SAMD3: variants seen among roughly 807,000 people sequenced by gnomAD.
SAMD3 encodes the protein sterile alpha motif domain-containing protein 3.
In SAMD3, 63 loss-of-function variants were observed where a neutral mutation model predicts 58.5. The observed-to-expected ratio is 1.08, with a 90% CI of 0.88 to 1.33. The LOEUF is 1.33. Among genes scored for constraint, SAMD3 ranks in the 40% most tolerant of loss-of-function variants. SAMD3 has a pLI of 0.00. For synonymous variants in SAMD3, 220 were observed against 210.3 expected (o/e 1.05, Z -0.40); for missense variants, 604 against 608.4 (o/e 0.99, Z 0.08).
intron 1 of SAMD3, among the ~76,000 whole-genome samples, chr6:130,358,726 TACACACACACACACACAC>T (rs3029958): frequency 6.9e-6 from 1 of 144,596 alleles, no homozygotes; most frequent in East Asian, 2.0e-4. Flanking sequence ...CACTATGTCT[TACACACACACACACACAC>T]ACACACACAC....
chr6:130,341,159 G>A (rs1329447051), intron 1 of SAMD3, among the ~76,000 whole-genome samples: 1 of 50,304 alleles, frequency 2.0e-5, no homozygotes, highest in African/African-American at 3.9e-4. Context: ...GGGAGGAAGA[G>A]AGGGAGGGAG....
chr6:130,185,170 G>A (rs1420612241), intron 5 of SAMD3, among the ~76,000 whole-genome samples: 2 of 152,118 alleles, frequency 1.3e-5, no homozygotes, highest in African/African-American at 4.8e-5. Flanking sequence ...ATTCTATCCA[G>A]ATGAAATTTC....
At chr6:130,224,746 G>C (rs1025818810), upstream of SAMD3, among the ~76,000 whole-genome samples, 5 of 151,908 alleles carry the variant, frequency 3.3e-5, no homozygotes, top group African/African-American at 9.7e-5. Context: ...AGCCTCCTGA[G>C]TATCTGGGAC....
chr6:130,247,920 T>G (rs1425278473), intron 2 of SAMD3, among the ~76,000 whole-genome samples: 1 of 152,214 alleles, frequency 6.6e-6, no homozygotes, highest in Non-Finnish European at 1.5e-5. Flanking sequence ...TGTTTCTGTT[T>G]CTGCTTGCGT....
At chr6:130,180,427 T>C (rs1213621341) in intron 7 of SAMD3, among the ~76,000 whole-genome samples, 1 of 150,806 alleles carries the variant, frequency 6.6e-6, no homozygotes, top group Non-Finnish European at 1.5e-5. Flanking sequence ...GAACCACCAC[T>C]CCCAGCTGTT....
chr6:130,231,768 G>A (rs1183007081), intron 2 of SAMD3, among the ~76,000 whole-genome samples: 1 of 152,002 alleles, frequency 6.6e-6, no homozygotes, highest in Non-Finnish European at 1.5e-5. Flanking sequence ...ATTTCCTTGA[G>A]CAATCAGGAA....
chr6:130,270,878 A>G (rs1273729944), intron 2 of SAMD3, among the ~76,000 whole-genome samples: 2 of 152,254 alleles, frequency 1.3e-5, no homozygotes, highest in African/African-American at 2.4e-5. Flanking sequence ...CTGTATGAAT[A>G]TATCTGTGGA....
chr6:130,193,250 A>C (rs1217429503), intron 5 of SAMD3, among the ~76,000 whole-genome samples: 1 of 147,750 alleles, frequency 6.8e-6, no homozygotes, highest in Non-Finnish European at 1.5e-5. Context: ...TCTGGGGGGC[A>C]AGAAACCCCC....
chr6:130,343,839 C>T (rs1486530471), intron 1 of SAMD3, among the ~76,000 whole-genome samples: 4 of 151,980 alleles, frequency 2.6e-5, no homozygotes, highest in Non-Finnish European at 5.9e-5. Context: ...GTGGTGGGTG[C>T]CTGTAATCCC....
chr6:130,292,340 T>A (rs1775398111), intron 2 of SAMD3, among the ~76,000 whole-genome samples: 1 of 149,016 alleles, frequency 6.7e-6, no homozygotes. Context: ...GTGCTGGAGT[T>A]CAGTGGCGCA....
intron 1 of SAMD3, among the ~76,000 whole-genome samples, chr6:130,319,691 G>A (rs115346148): frequency 0.02 from 3,011 of 152,234 alleles, 92 homozygotes; most frequent in African/African-American, 0.068. Flanking sequence ...ACAAAATAAT[G>A]AAGAGAATTA....
chr6:130,304,703 A>C (rs1775857538), intron 2 of SAMD3, among the ~76,000 whole-genome samples: 1 of 152,150 alleles, frequency 6.6e-6, no homozygotes. Flanking sequence ...CATGAAAAAA[A>C]ATTATGCCGA....
intron 2 of SAMD3, among the ~76,000 whole-genome samples, chr6:130,237,642 T>C (rs1306337845): frequency 1.8e-4 from 27 of 152,164 alleles, no homozygotes; most frequent in Admixed American, 1.8e-3. Context: ...ACCTTAATCC[T>C]TTGAAGTCAA....
intron 2 of SAMD3, among the ~76,000 whole-genome samples, chr6:130,257,572 A>G (rs1343310507): frequency 6.6e-6 from 1 of 152,176 alleles, no homozygotes; most frequent in African/African-American, 2.4e-5. Flanking sequence ...ATACATCTCA[A>G]TGCCAACTCT....
At chr6:130,302,592 AAAAT>A (rs1335446425) in intron 2 of SAMD3, among the ~76,000 whole-genome samples, 2 of 152,210 alleles carry the variant, frequency 1.3e-5, no homozygotes, top group Non-Finnish European at 2.9e-5. Flanking sequence ...TGTCCAAAGG[AAAAT>A]AAATTGTTTT....
At chr6:130,149,558 G>T (rs1788948551) in intron 9 of SAMD3, among the ~76,000 whole-genome samples, 1 of 152,198 alleles carries the variant, frequency 6.6e-6, no homozygotes, top group Admixed American at 6.5e-5. Flanking sequence ...CATGTCCTTT[G>T]CAGCAACATA....
intron 2 of SAMD3, among the ~76,000 whole-genome samples, chr6:130,252,505 C>T (rs1316988434): frequency 6.6e-6 from 1 of 152,148 alleles, no homozygotes; most frequent in Non-Finnish European, 1.5e-5. Flanking sequence ...GCAAATAGCT[C>T]ACTGGGGGGT....
At chr6:130,173,039 G>C (rs988433772) in intron 8 of SAMD3, among the ~76,000 whole-genome samples, 1 of 152,058 alleles carries the variant, frequency 6.6e-6, no homozygotes, top group African/African-American at 2.4e-5. Context: ...GTGTTTTTCA[G>C]CTCCATCAGG....
intron 8 of SAMD3, among the ~76,000 whole-genome samples, chr6:130,170,477 T>G (rs1191165067): frequency 6.6e-6 from 1 of 152,234 alleles, no homozygotes; most frequent in Non-Finnish European, 1.5e-5. Flanking sequence ...TCCAAGTCTT[T>G]GCGATTGTAA....
Sources: gnomAD v4.1 joint callset for allele counts (sites outside exome capture counted in the v4.1 genomes callset) on GRCh38, gnomAD v4.1.1 for gene constraint, MANE v1.5 for transcripts, NCBI Gene and HGNC (gene_info 2026-07-23, HGNC 2026-07-21) for gene names.